The following NEK11 variants were observed in gnomAD, a reference collection of about 807,000 sequenced individuals.
The protein encoded by NEK11 is NIMA related kinase 11.
NEK11 carries 72 observed loss-of-function variants against 80.7 expected under a neutral mutation model. The observed-to-expected ratio is 0.89, with a 90% CI of 0.74 to 1.08. The LOEUF (loss-of-function observed/expected upper bound fraction) is 1.08, where lower values mean the gene tolerates loss of function less well. Among genes scored for constraint, NEK11 ranks in the 50% least tolerant of loss-of-function variants. The pLI, the probability that NEK11 is intolerant of heterozygous loss-of-function variation, is 0.00. For missense variants in NEK11, 764 were observed against 763.6 expected (o/e 1.00, Z -0.01); for synonymous variants, 251 against 260.7 (o/e 0.96, Z 0.36).
intron 3 of NEK11, among the ~76,000 whole-genome samples, chr3:131,067,279 A>G (rs2072214220): frequency 6.6e-6 from 1 of 152,178 alleles, no homozygotes. Context: ...GGTGCCCCAT[A>G]CACGTGCACT....
chr3:131,128,937 C>A (rs1426070514), intron 5 of NEK11, among the ~76,000 whole-genome samples: 2 of 152,042 alleles, frequency 1.3e-5, no homozygotes, highest in African/African-American at 4.8e-5. Context: ...GGTTTATTTG[C>A]CTTTTGTATA....
chr3:131,061,677 T>C (rs555032379), intron 3 of NEK11, among the ~76,000 whole-genome samples: 1 of 152,348 alleles, frequency 6.6e-6, no homozygotes, highest in African/African-American at 2.4e-5. Context: ...TGTTATCTTA[T>C]CAGGTCTCTC....
intron 10 of NEK11, among the ~76,000 whole-genome samples, chr3:131,160,830 G>A (rs1159641579): frequency 1.3e-5 from 2 of 152,090 alleles, no homozygotes; most frequent in African/African-American, 4.8e-5. Flanking sequence ...ACAAAGAAGA[G>A]CATTACATAA....
At chr3:131,200,119 A>G (rs1172705144) in intron 14 of NEK11, among the ~76,000 whole-genome samples, 2 of 152,220 alleles carry the variant, frequency 1.3e-5, no homozygotes, top group African/African-American at 4.8e-5. Context: ...GAGAAAAACC[A>G]ATAAATTACT....
chr3:131,210,228 C>T (rs1349542864), intron 14 of NEK11, among the ~76,000 whole-genome samples: 3 of 152,088 alleles, frequency 2.0e-5, no homozygotes, highest in African/African-American at 7.2e-5. Flanking sequence ...TTTCTGCCTT[C>T]ATTTTGTTAT....
In NEK11 at chr3:131,091,814, T is replaced by C. The variant is rs965589539; in HGVS notation, c.336+11226T>C. 4.6e-5 allele frequency among the ~76,000 whole-genome samples: 7 copies of C among 152,358 alleles called. No individual in the cohort carries two copies. The Middle Eastern group carries it at 0.01, about 222-fold the overall frequency. On this transcript the variant is annotated intron_variant, in intron 4 of 17. Coordinates refer to ENST00000383366, the MANE Select transcript of NEK11 (RefSeq NM_024800.5). ...GCACACACAAAAAAAATTTCTTGAA[T>C]TGGGCAAACTTCAGAACTAGAAGGA...
At chr3:131,274,008 G>T (rs946503114) in intron 17 of NEK11, among the ~76,000 whole-genome samples, 2 of 150,748 alleles carry the variant, frequency 1.3e-5, no homozygotes, top group Non-Finnish European at 2.9e-5. Context: ...TGCACATTGT[G>T]CAGGTTAGTT....
chr3:131,110,529 A>G (rs778084793), intron 5 of NEK11, among the ~76,000 whole-genome samples: 6 of 152,194 alleles, frequency 3.9e-5, no homozygotes, highest in Non-Finnish European at 8.8e-5. Flanking sequence ...ACTTTTAATG[A>G]ATTTTTATAG....
chr3:131,339,272 C>T (rs1380473953), intron 17 of NEK11, among the ~76,000 whole-genome samples: 2 of 152,130 alleles, frequency 1.3e-5, no homozygotes, highest in Non-Finnish European at 2.9e-5. Flanking sequence ...AAATAATTAT[C>T]GATCACCTAT....
intron 3 of NEK11, among the ~76,000 whole-genome samples, chr3:131,063,055 T>A (rs906555207): frequency 5.9e-5 from 9 of 152,228 alleles, no homozygotes; most frequent in African/African-American, 2.2e-4. Context: ...GACAGACTTT[T>A]GCGCTGATGC....
At chr3:131,150,834 T>C (rs926233700) in intron 7 of NEK11, among the ~76,000 whole-genome samples, 1 of 151,990 alleles carries the variant, frequency 6.6e-6, no homozygotes, top group African/African-American at 2.4e-5. Flanking sequence ...ATTTTTCTTC[T>C]GTTAGAAAAA....
intron 16 of NEK11, among the ~76,000 whole-genome samples, chr3:131,244,501 A>T (rs1239033124): frequency 6.6e-6 from 1 of 152,042 alleles, no homozygotes; most frequent in Admixed American, 6.6e-5. Context: ...CTCCTTAGAG[A>T]CCTCCAGGAT....
At chr3:131,176,705 C>T (rs904026792) in intron 14 of NEK11, among the ~76,000 whole-genome samples, 15 of 152,170 alleles carry the variant, frequency 9.9e-5, no homozygotes, top group Non-Finnish European at 1.9e-4. Flanking sequence ...GCCACTTTGA[C>T]ATGGCATCCT....
intron 4 of NEK11, among the ~76,000 whole-genome samples, chr3:131,107,295 G>A (rs2079336395): frequency 6.6e-6 from 1 of 151,654 alleles, no homozygotes; most frequent in Non-Finnish European, 1.5e-5. Flanking sequence ...TATTTTTGGT[G>A]TTTTTAAAGC....
At chr3:131,034,788 CTA>C (rs1403395845) in intron 3 of NEK11, among the ~76,000 whole-genome samples, 2 of 152,198 alleles carry the variant, frequency 1.3e-5, no homozygotes, top group Non-Finnish European at 2.9e-5. Context: ...GTCCGGAAGA[CTA>C]TATCAACACA....
intron 3 of NEK11, among the ~76,000 whole-genome samples, chr3:131,032,263 G>A (rs771657751): frequency 1.3e-5 from 2 of 152,132 alleles, no homozygotes; most frequent in Non-Finnish European, 2.9e-5. Flanking sequence ...CGCCTGGCCA[G>A]TAGTCAGTAT....
intron 12 of NEK11, among the ~76,000 whole-genome samples, chr3:131,168,462 T>G (rs1483788502): frequency 2.0e-4 from 29 of 148,612 alleles, no homozygotes; most frequent in South Asian, 6.4e-4. Flanking sequence ...GTTCACGCCA[T>G]TCTCCTGCCT....
chr3:131,096,890 C>T (rs1316983079), intron 4 of NEK11, among the ~76,000 whole-genome samples: 1 of 107,258 alleles, frequency 9.3e-6, no homozygotes, highest in African/African-American at 3.6e-5. Context: ...CCCCCCTCCC[C>T]CCACCCCACA....
At position 131,128,983 on chromosome 3, in the gene NEK11, C is replaced by T. The variant is rs188731427; in HGVS notation, c.456-3762C>T. Among the ~76,000 whole-genome samples the T allele has an allele frequency of 7.7e-3, 1,171 of 151,458 alleles. 6 individuals carry two copies. The highest frequency in any genetic ancestry group is 0.012 in the Non-Finnish European group (833 of 67,878). On this transcript the variant is annotated intron_variant, in intron 5 of 17. Transcript: ENST00000383366. ...TTAGGTGTCTGTTAAGGTCTTTGGC[C>T]CATTTTAAAACCAGATTATTTTCTT...
Sources: allele counts gnomAD v4.1 joint callset (sites outside exome capture counted in the v4.1 genomes callset), GRCh38; gene constraint gnomAD v4.1.1; transcripts MANE v1.5; gene names NCBI Gene and HGNC (gene_info 2026-07-23, HGNC 2026-07-21).